The following ITSN1 variants were observed in gnomAD, a reference collection of about 807,000 sequenced individuals.
The protein encoded by ITSN1 is intersectin 1, also known as intersectin-1.
In ITSN1, 58 loss-of-function variants were observed where a neutral mutation model predicts 239.8. The ratio of observed to expected loss-of-function variants is 0.24; its 90% confidence interval spans 0.20 to 0.30. The LOEUF is 0.30. Among genes scored for constraint, ITSN1 ranks in the 10% least tolerant of loss-of-function variants. The pLI is 1.00. For missense variants in ITSN1, 1,558 were observed against 2,103.3 expected (o/e 0.74, Z 5.07); for synonymous variants, 780 against 770.8 (o/e 1.01, Z -0.20).
At chr21:33,708,454 T>C (rs2092317086) in intron 1 of ITSN1, among the ~76,000 whole-genome samples, 1 of 152,158 alleles carries the variant, frequency 6.6e-6, no homozygotes, top group East Asian at 1.9e-4. Flanking sequence ...AATGGCGCGA[T>C]CTCGGCTCAC....
chr21:33,772,908 T>C (rs766189748), intron 12 of ITSN1, among the ~76,000 whole-genome samples: 1 of 152,094 alleles, frequency 6.6e-6, no homozygotes, highest in Non-Finnish European at 1.5e-5. Flanking sequence ...TATAAAAATA[T>C]AAAGGTTTAT....
At chr21:33,787,366 T>C (rs1270429703) in intron 16 of ITSN1, among the ~76,000 whole-genome samples, 2 of 152,228 alleles carry the variant, frequency 1.3e-5, no homozygotes, top group Non-Finnish European at 2.9e-5. Context: ...TAAGACTAAT[T>C]CACAATTATG....
At chr21:33,663,011 T>C (rs1568873143) in intron 1 of ITSN1, among the ~76,000 whole-genome samples, 2 of 152,214 alleles carry the variant, frequency 1.3e-5, no homozygotes, top group African/African-American at 4.8e-5. Flanking sequence ...AATAGTATTA[T>C]AACATTATAA....
intron 29 of ITSN1, among the ~76,000 whole-genome samples, chr21:33,854,298 G>C (rs1160531344): frequency 6.6e-6 from 1 of 152,234 alleles, no homozygotes; most frequent in African/African-American, 2.4e-5. Flanking sequence ...CACCGTGTTT[G>C]TGCAGTGACT....
At position 33,794,451 on chromosome 21, in the gene ITSN1, A is replaced by G; in HGVS notation, c.1935A>G (p.Gln645=). Residue 645 remains glutamine (Q), a synonymous_variant, in exon 17 of 40, where the codon CAA becomes CAG. Coordinates refer to ENST00000381318, the MANE Select transcript of ITSN1 (RefSeq NM_003024.3). ...GAAAGATCATAGAATTAGAAAAACA[A>G]AAAGAAGAAGCCCAAAGGTGAGTCT... is the stretch of plus-strand genomic sequence containing the variant. ...QERKIIELEK[Q]KEEAQRRAQE... The G allele has an allele frequency of 6.2e-7, 1 of 1,612,770 alleles. No individual in the cohort carries two copies. Among genetic ancestry groups the G allele is most frequent in the Non-Finnish European group, 8.5e-7 (1 of 1,179,646 alleles).
intron 1 of ITSN1, among the ~76,000 whole-genome samples, chr21:33,711,294 A>G (rs2092407781): frequency 6.6e-6 from 1 of 151,252 alleles, no homozygotes. Context: ...TTCTCTCTGT[A>G]TCTAGCTCGA....
chr21:33,685,426 T>G (rs925702853), intron 1 of ITSN1, among the ~76,000 whole-genome samples: 1 of 152,092 alleles, frequency 6.6e-6, no homozygotes, highest in African/African-American at 2.4e-5. Flanking sequence ...GAAGAAAGAA[T>G]TATTTCACCA....
At chr21:33,668,483 C>T (rs192072850) in intron 1 of ITSN1, among the ~76,000 whole-genome samples, 3 of 152,266 alleles carry the variant, frequency 2.0e-5, no homozygotes, top group African/African-American at 7.2e-5. Context: ...CCGCCTACTT[C>T]CCTTTTGCTC....
In ITSN1 at chr21:33,896,075, G is replaced by A. The variant is rs1312929091; in HGVS notation, c.*7775G>A. ...GTCTTCTTACTTTGAAAGGTCTCCC[G>A]GCAGGCTGTGGCAAGCTGCGCGGAT... is the stretch of plus-strand genomic sequence containing the variant. On this transcript the variant is annotated 3_prime_UTR_variant, in exon 40 of 40. Transcript: ENST00000381318. 1 of 152,308 alleles carries A rather than the reference G, an allele frequency of 6.6e-6. No homozygotes were observed. Among genetic ancestry groups the A allele is most frequent in the Non-Finnish European group, 1.5e-5 (1 of 68,124 alleles). 9.4% of individuals were successfully genotyped at this position (152,308 alleles called of 1,614,324 possible).
chr21:33,673,777 A>G (rs2090440205), intron 1 of ITSN1, among the ~76,000 whole-genome samples: 1 of 152,174 alleles, frequency 6.6e-6, no homozygotes, highest in Non-Finnish European at 1.5e-5. Context: ...TCATTAATTT[A>G]TTGAACAAAT....
At chr21:33,805,979 G>A (rs556387823) in intron 20 of ITSN1, among the ~76,000 whole-genome samples, 450 of 142,876 alleles carry the variant, frequency 3.1e-3, no homozygotes, top group Non-Finnish European at 4.9e-3. Context: ...CGATGTGGGC[G>A]GATCACAAGG....
chr21:33,869,666 A>C (rs1982370122), intron 33 of ITSN1, among the ~76,000 whole-genome samples: 1 of 152,224 alleles, frequency 6.6e-6, no homozygotes, highest in African/African-American at 2.4e-5. Context: ...CTCTGAGCCT[A>C]TGTTTGTAAA....
chr21:33,864,137 C>T (rs112912859), intron 31 of ITSN1, among the ~76,000 whole-genome samples: 282 of 152,264 alleles, frequency 1.9e-3, no homozygotes, highest in African/African-American at 6.3e-3. Context: ...TTCAATAGCC[C>T]GCCCCGTACC....
chr21:33,774,737 A>G lies in ITSN1; in HGVS notation c.1314A>G (p.Lys438=). 6.2e-7 allele frequency: 1 copy of G among 1,612,672 alleles called. No individual in the cohort carries two copies. The highest frequency in any genetic ancestry group is 1.1e-5 in the South Asian group (1 of 90,868). Residue 438 remains lysine, a synonymous_variant, in exon 13 of 40, where the codon AAA becomes AAG. Transcript: ENST00000381318. ...CTCTGTAAATGTCACAGGCTGCAAAACGGGAACTTGAAAGGCAACGACAAC... is the reference window on the plus strand; with the variant it reads ...CTCTGTAAATGTCACAGGCTGCAAAGCGGGAACTTGAAAGGCAACGACAAC... ...RKEIERREAA[K]RELERQRQLE... is the part of the protein sequence containing the mutation.
chr21:33,676,799 GT>G (rs1450470840), intron 1 of ITSN1, among the ~76,000 whole-genome samples: 1 of 152,192 alleles, frequency 6.6e-6, no homozygotes, highest in East Asian at 1.9e-4. Context: ...GTGATAGTTT[GT>G]TCGGAATGAT....
At chr21:33,776,152 C>G (rs1267007148) in intron 14 of ITSN1, among the ~76,000 whole-genome samples, 2 of 152,030 alleles carry the variant, frequency 1.3e-5, no homozygotes, top group Non-Finnish European at 2.9e-5. Context: ...AATAAAACTG[C>G]AGTGAGCATT....
intron 8 of ITSN1, among the ~76,000 whole-genome samples, chr21:33,760,829 TCCTGGGACC>T (rs2068264347): frequency 6.6e-6 from 1 of 152,182 alleles, no homozygotes; most frequent in Non-Finnish European, 1.5e-5. Context: ...CCAGCAGTCT[TCCTGGGACC>T]ACATCTTGAG....
chr21:33,801,617 C>T (rs897579049), intron 19 of ITSN1, among the ~76,000 whole-genome samples: 6 of 152,060 alleles, frequency 3.9e-5, no homozygotes, highest in African/African-American at 4.8e-5. Context: ...GCCACCACAC[C>T]GAGCTAATTT....
chr21:33,810,243 A>G (rs1051437336), intron 20 of ITSN1, among the ~76,000 whole-genome samples: 3 of 152,258 alleles, frequency 2.0e-5, no homozygotes, highest in South Asian at 2.1e-4. Flanking sequence ...TGCAAACCTT[A>G]AAAGCATTTG....
Sources: allele counts gnomAD v4.1 joint callset (sites outside exome capture counted in the v4.1 genomes callset), GRCh38; gene constraint gnomAD v4.1.1; transcripts MANE v1.5; gene names NCBI Gene and HGNC (gene_info 2026-07-23, HGNC 2026-07-21).